The following SLC1A7 variants were observed in gnomAD, a reference collection of about 807,000 sequenced individuals.
SLC1A7 encodes excitatory amino acid transporter 5.
A neutral mutation model predicts 47.7 loss-of-function variants in SLC1A7; 40 were observed. The observed-to-expected ratio is 0.84, with a 90% confidence interval of 0.65 to 1.09. The LOEUF (loss-of-function observed/expected upper bound fraction) is 1.09, where lower values mean the gene tolerates loss of function less well. SLC1A7 is among the 50% of genes least tolerant of loss of function. The pLI, the probability that SLC1A7 is intolerant of heterozygous loss-of-function variation, is 0.00. For missense variants in SLC1A7, 746 were observed against 769.5 expected (o/e 0.97, Z 0.36); for synonymous variants, 323 against 325.6 (o/e 0.99, Z 0.09).
In SLC1A7 at chr1:53,142,473, G is replaced by T; in HGVS notation, c.-24C>A. On this transcript the variant is annotated 5_prime_UTR_variant, in exon 1 of 11. Coordinates refer to ENST00000371494, the MANE Select transcript of SLC1A7 (RefSeq NM_006671.6). Reference sequence around the variant, plus strand: ...ATGGTGAGCCTGGCCTGCTGGCAAGGGGCACAGCACCATTCCACGCATGAG... The same window carrying T: ...ATGGTGAGCCTGGCCTGCTGGCAAGTGGCACAGCACCATTCCACGCATGAG... The T allele has an allele frequency of 6.2e-7, 1 of 1,611,506 alleles. No homozygotes were observed. The highest frequency in any genetic ancestry group is 8.5e-7 in the Non-Finnish European group (1 of 1,179,198).
At chr1:53,138,818 C>T (rs1293637168) in intron 1 of SLC1A7, among the ~76,000 whole-genome samples, 1 of 152,188 alleles carries the variant, frequency 6.6e-6, no homozygotes, top group East Asian at 1.9e-4. Flanking sequence ...CAGCTACTCA[C>T]ATTTTTATCT....
At chr1:53,106,110 A>G (rs1326869855) in intron 3 of SLC1A7, among the ~76,000 whole-genome samples, 1 of 151,580 alleles carries the variant, frequency 6.6e-6, no homozygotes, top group African/African-American at 2.4e-5. Flanking sequence ...GCCCCACGAG[A>G]CCCTGCGGCC....
intron 1 of SLC1A7, among the ~76,000 whole-genome samples, chr1:53,137,988 GA>G (rs908356590): frequency 3.3e-5 from 5 of 152,204 alleles, no homozygotes; most frequent in African/African-American, 1.2e-4. Context: ...AGCTTTCTGA[GA>G]AAGAGTGGAT....
Position 53,088,083 on chromosome 1 carries a change from G to C in SLC1A7, c.1609C>G (p.Gln537Glu). The C allele has an allele frequency of 5.0e-6, 8 of 1,610,118 alleles. No individual in the cohort carries two copies. Among genetic ancestry groups the C allele is most frequent in the Non-Finnish European group, 5.9e-6 (7 of 1,177,562 alleles). Residue 537 changes from glutamine to glutamate, a missense_variant, in exon 11 of 11, where the codon CAG (glutamine) becomes GAG (glutamate). Physicochemically the swap from Gln to Glu is conservative, Grantham distance 29 (BLOSUM62 2). Transcript: ENST00000371494. ...CTCGCAGCGGGCAGCTCCTCATCCTGCTCCACTTGAACGGGGACGTGGTGG... is the reference window on the plus strand; with the variant it reads ...CTCGCAGCGGGCAGCTCCTCATCCTCCTCCACTTGAACGGGGACGTGGTGG... Reference protein sequence around the residue: ...CPHHVPVQVEQDEELPAASLN... With the variant: ...CPHHVPVQVEEDEELPAASLN...
Position 53,134,354 on chromosome 1 carries a change from A to T in SLC1A7, c.211T>A (p.Ser71Thr). Residue 71 changes from serine (S) to threonine (T), a missense_variant, in exon 2 of 11, where the codon TCC becomes ACC. Coordinates refer to ENST00000371494, the MANE Select transcript of SLC1A7 (RefSeq NM_006671.6). Reference protein sequence around the residue: ...LKMMILPLVVSSLMSGLASLD... With the variant: ...LKMMILPLVVTSLMSGLASLD... ...TGGTCAAACCCCCGCTCTCACCTGG[A>T]GACCACCAGTGGCAGGATCATCATC... 2 of 1,612,598 alleles carry T rather than the reference A, an allele frequency of 1.2e-6. No homozygotes were observed. The highest frequency in any genetic ancestry group is 1.7e-4 in the Middle Eastern group (1 of 6,054).
At chr1:53,115,363 G>A (rs1378021676) in intron 2 of SLC1A7, 6 of 229,810 alleles carry the variant, frequency 2.6e-5, no homozygotes, top group Admixed American at 1.0e-4. Context: ...CCTGACCCCT[G>A]CCCAGCCAGG....
chr1:53,097,371 T>C (rs1644507785), intron 5 of SLC1A7, among the ~76,000 whole-genome samples: 1 of 136,370 alleles, frequency 7.3e-6, no homozygotes. Context: ...ACCCCCTCGG[T>C]ACACTCACAC....
At chr1:53,105,827 C>G in intron 3 of SLC1A7, 53 bp from the exon 4 acceptor site, 1 of 1,523,946 alleles carries the variant, frequency 6.6e-7, no homozygotes, top group Non-Finnish European at 9.1e-7. Flanking sequence ...CAGGAGGGCC[C>G]TGGGGGTTGT....
intron 3 of SLC1A7, among the ~76,000 whole-genome samples, chr1:53,106,865 A>G (rs1253166104): frequency 1.3e-5 from 2 of 152,136 alleles, no homozygotes; most frequent in East Asian, 1.9e-4. Context: ...TCTTTGAAAA[A>G]TGAAACCAGC....
intron 2 of SLC1A7, among the ~76,000 whole-genome samples, chr1:53,121,080 G>A (rs1644820423): frequency 1.3e-5 from 2 of 152,238 alleles, no homozygotes; most frequent in Admixed American, 1.3e-4. Flanking sequence ...CATTTCAATT[G>A]TTATAATTTC....
chr1:53,093,372 T>A, intron 6 of SLC1A7, 89 bp downstream of exon 6: 3 of 1,065,430 alleles, frequency 2.8e-6, no homozygotes, highest in Non-Finnish European at 4.1e-6. Context: ...AGCTTTCTGC[T>A]CACTTTACGG....
chr1:53,090,380 C>A, intron 8 of SLC1A7: 1 of 648,844 alleles, frequency 1.5e-6, no homozygotes, highest in Non-Finnish European at 2.5e-6. Flanking sequence ...ACACGGGCGG[C>A]CTCTCCAAGG....
At chr1:53,130,868 G>T (rs1191070177) in intron 2 of SLC1A7, among the ~76,000 whole-genome samples, 2 of 152,122 alleles carry the variant, frequency 1.3e-5, no homozygotes, top group Non-Finnish European at 2.9e-5. Context: ...CCAGGAGCAA[G>T]AGCTCAGGGG....
At chr1:53,091,741 A>G (rs1179515303) in intron 7 of SLC1A7, among the ~76,000 whole-genome samples, 2 of 152,216 alleles carry the variant, frequency 1.3e-5, no homozygotes, top group East Asian at 3.9e-4. Flanking sequence ...TAGAGGGAAG[A>G]GTGAGGCCTT....
In SLC1A7 at chr1:53,090,647, G is replaced by A. The variant is rs762335038; in HGVS notation, c.1191C>T (p.Asn397=). The A allele has an allele frequency of 3.4e-5, 54 of 1,608,012 alleles. No individual in the cohort carries two copies. The South Asian group carries it at 5.0e-4, about 15-fold the overall frequency. ...TGATCTGGCCAAAGTCCAGCTCGTA[G>A]TTGTTGACCTGGGCGATGAAGATGG... ...VAAIFIAQVN[N]YELDFGQIIT... The change falls in exon 8 of 11, where the codon AAC becomes AAT. Residue 397 remains asparagine, a synonymous_variant. Transcript: ENST00000371494.
At chr1:53,127,729 C>A (rs979174241) in intron 2 of SLC1A7, among the ~76,000 whole-genome samples, 1 of 152,146 alleles carries the variant, frequency 6.6e-6, no homozygotes, top group Non-Finnish European at 1.5e-5. Flanking sequence ...CCTGTGGAGA[C>A]AGCTGGGTGG....
At chr1:53,136,611 A>AAT (rs72145100) in intron 1 of SLC1A7, among the ~76,000 whole-genome samples, 6,577 of 48,116 alleles carry the variant, frequency 0.14, 357 homozygotes, top group African/African-American at 0.24. Context: ...AAACATATAT[A>AAT]ATATATATAA....
chr1:53,092,585 C>A lies in SLC1A7; in HGVS notation c.1000G>T (p.Ala334Ser). ...PIVFIRGILQALLIALATSSS... is the reference protein window; with the variant it reads ...PIVFIRGILQSLLIALATSSS... ...GAGGTGGCCAGCGCGATGAGCAGAGCCTGCAGGATGCCACGGATGAAGACG... is the reference window on the plus strand; with the variant it reads ...GAGGTGGCCAGCGCGATGAGCAGAGACTGCAGGATGCCACGGATGAAGACG... Residue 334 changes from alanine to serine, a missense_variant, in exon 7 of 11, where the codon GCT (alanine) becomes TCT (serine). Ala to Ser is a moderately conservative substitution (Grantham distance 99). Transcript: ENST00000371494. The A allele has an allele frequency of 6.2e-7, 1 of 1,614,126 alleles. No homozygotes were observed. The highest frequency in any genetic ancestry group is 8.5e-7 in the Non-Finnish European group (1 of 1,179,984).
chr1:53,109,008 T>G (rs768488416), intron 3 of SLC1A7, among the ~76,000 whole-genome samples: 7 of 152,208 alleles, frequency 4.6e-5, no homozygotes, highest in Non-Finnish European at 1.0e-4. Context: ...ATGAGGTCCG[T>G]GCTCCTGGTG....
Sources: allele counts gnomAD v4.1 joint callset (sites outside exome capture counted in the v4.1 genomes callset), GRCh38; gene constraint gnomAD v4.1.1; transcripts MANE v1.5; gene names NCBI Gene and HGNC (gene_info 2026-07-23, HGNC 2026-07-21).